GSK3B: variants seen among roughly 807,000 people sequenced by gnomAD.
GSK3B encodes the protein glycogen synthase kinase-3 beta.
Under a neutral mutation model 56.4 loss-of-function variants are expected in GSK3B, and 15 were observed. The ratio of observed to expected loss-of-function variants is 0.27; its 90% CI spans 0.18 to 0.41. GSK3B has a LOEUF of 0.41. Among genes scored for constraint, GSK3B ranks in the 10% least tolerant of loss-of-function variants. The pLI, the probability that GSK3B is intolerant of heterozygous loss-of-function variation, is 1.00. For synonymous variants in GSK3B, 181 were observed against 188.9 expected (o/e 0.96, Z 0.34); for missense variants, 300 against 513.4 (o/e 0.58, Z 4.02).
intron 10 of GSK3B, among the ~76,000 whole-genome samples, chr3:119,828,905 A>G (rs1397789958): frequency 2.6e-5 from 4 of 152,232 alleles, no homozygotes; most frequent in Non-Finnish European, 5.9e-5. Flanking sequence ...ACAAGTGAAG[A>G]TATTATGGCA....
intron 1 of GSK3B, 86 bp from the exon 2 acceptor site, chr3:120,002,325 A>G (rs1456972787): frequency 1.6e-6 from 1 of 608,616 alleles, no homozygotes; most frequent in Non-Finnish European, 2.6e-6. Context: ...GGTAAACTAT[A>G]TTCTTTATTT....
intron 1 of GSK3B, among the ~76,000 whole-genome samples, chr3:120,009,753 G>A (rs2057762831): frequency 6.6e-6 from 1 of 151,972 alleles, no homozygotes; most frequent in Non-Finnish European, 1.5e-5. Context: ...ACGGGTTGAT[G>A]GGTGCAGCAA....
chr3:119,932,859 C>T (rs2107476219), intron 3 of GSK3B, among the ~76,000 whole-genome samples: 1 of 152,194 alleles, frequency 6.6e-6, no homozygotes, highest in Admixed American at 6.5e-5. Flanking sequence ...CTTGTAATCC[C>T]AGCACTTTGG....
At chr3:119,861,443 G>C (rs1170395433) in intron 9 of GSK3B, among the ~76,000 whole-genome samples, 2 of 151,696 alleles carry the variant, frequency 1.3e-5, no homozygotes, top group Non-Finnish European at 2.9e-5. Context: ...TCTGGGAGGT[G>C]GAGGTTGCAG....
In GSK3B at chr3:119,916,100, C is replaced by A. The variant is rs72546694; in HGVS notation, c.552G>T (p.Pro184=). The change falls in exon 5 of 11, where the codon CCG becomes CCT. Residue 184 remains proline (P), a synonymous_variant. Coordinates refer to ENST00000264235, the MANE Select transcript of GSK3B (RefSeq NM_001146156.2). The part of the protein sequence containing the change: ...SFGICHRDIK[P]QNLLLDPDTA... ...TATCAGGATCCAACAAGAGGTTCTG[C>A]GGTTTAATATCCCGATGGCAGATTC... The A allele has an allele frequency of 1.9e-6, 3 of 1,613,086 alleles. No individual in the cohort carries two copies. The highest frequency in any genetic ancestry group is 2.2e-5 in the South Asian group (2 of 91,054).
Position 119,958,751 on chromosome 3 carries a change from TA to T in GSK3B, c.283-11401del, listed in dbSNP as rs1303333857. Among the ~76,000 whole-genome samples the T allele has an allele frequency of 7.9e-5, 12 of 151,580 alleles. 1 individual carries two copies. Among genetic ancestry groups the T allele is most frequent in the Admixed American group, 7.9e-4 (12 of 15,232 alleles). ...AAAGAATACTTCCAACTAGGAAGAT[TA>T]AAAAGATTTTTAATGAAAAGAGTGT... On this transcript the variant is annotated intron_variant, in intron 2 of 10. Coordinates refer to ENST00000264235, the MANE Select transcript of GSK3B (RefSeq NM_001146156.2).
intron 1 of GSK3B, among the ~76,000 whole-genome samples, chr3:120,060,910 ATTTG>A (rs1164003635): frequency 5.3e-5 from 8 of 152,190 alleles, no homozygotes; most frequent in Non-Finnish European, 2.9e-5. Flanking sequence ...CTATTTATTT[ATTTG>A]TTTATTTATG....
chr3:119,974,661 C>G (rs1363077116), intron 2 of GSK3B, among the ~76,000 whole-genome samples: 2 of 152,156 alleles, frequency 1.3e-5, no homozygotes, highest in African/African-American at 2.4e-5. Flanking sequence ...TGGACTAAGA[C>G]AAGACCTGAA....
chr3:119,996,783 G>C (rs1291684226), intron 2 of GSK3B, among the ~76,000 whole-genome samples: 1 of 151,958 alleles, frequency 6.6e-6, no homozygotes, highest in Non-Finnish European at 1.5e-5. Flanking sequence ...ACAATGATTA[G>C]AAGAAAGGTA....
chr3:120,000,711 T>C (rs372367691), intron 2 of GSK3B, among the ~76,000 whole-genome samples: 63 of 150,984 alleles, frequency 4.2e-4, no homozygotes, highest in African/African-American at 1.5e-3. Context: ...TGAGCTTCCA[T>C]GCATAGGCTC....
At chr3:120,058,605 T>C (rs982309582) in intron 1 of GSK3B, among the ~76,000 whole-genome samples, 3 of 152,288 alleles carry the variant, frequency 2.0e-5, no homozygotes, top group South Asian at 2.1e-4. Flanking sequence ...CCACAACTTA[T>C]AAAGCTGTAA....
At chr3:119,844,449 G>A (rs1299632170) in intron 9 of GSK3B, among the ~76,000 whole-genome samples, 2 of 151,468 alleles carry the variant, frequency 1.3e-5, no homozygotes, top group Non-Finnish European at 2.9e-5. Flanking sequence ...GATTAATAAA[G>A]GAAAGAGAGA....
rs373139573 is a variant in GSK3B, at chr3:120,034,592, G to A, written c.89-32353C>T. On this transcript the variant is annotated intron_variant, in intron 1 of 10. Coordinates refer to ENST00000264235, the MANE Select transcript of GSK3B (RefSeq NM_001146156.2). Reference sequence around the variant, plus strand: ...ATACTCCATGAATCTATATCCAAGCGCCACACCGTCTGGATTGATGTAAAT... The same window carrying A: ...ATACTCCATGAATCTATATCCAAGCACCACACCGTCTGGATTGATGTAAAT... Among the ~76,000 whole-genome samples, 72 of 152,210 alleles carry A rather than the reference G, an allele frequency of 4.7e-4. No homozygotes were observed. In the Middle Eastern group the frequency reaches 0.01, roughly 22 times the overall value.
intron 3 of GSK3B, among the ~76,000 whole-genome samples, chr3:119,943,198 C>T (rs2057067138): frequency 1.3e-5 from 2 of 152,158 alleles, no homozygotes; most frequent in South Asian, 4.1e-4. Context: ...TTCAGTCAAA[C>T]TGTGGTCAAT....
rs187567312 is a variant in GSK3B, at chr3:120,079,626, C to A, written c.88+13721G>T. Among the ~76,000 whole-genome samples the A allele has an allele frequency of 4.3e-3, 647 of 152,078 alleles. 1 individual carries two copies. The highest frequency in any genetic ancestry group is 0.015 in the African/African-American group (611 of 41,458). ...CTCAGGCTGGTCTCCAACTCCTGAC[C>A]TCAAGTGATCCACCCATCTCAACCT... On this transcript the variant is annotated intron_variant, in intron 1 of 10. Coordinates refer to ENST00000264235, the MANE Select transcript of GSK3B (RefSeq NM_001146156.2).
At chr3:120,025,560 T>C (rs1418886672) in intron 1 of GSK3B, among the ~76,000 whole-genome samples, 1 of 152,214 alleles carries the variant, frequency 6.6e-6, no homozygotes, top group Non-Finnish European at 1.5e-5. Context: ...GTTCCATAAG[T>C]AGATGCCACA....
chr3:120,024,502 T>C (rs1486574512), intron 1 of GSK3B, among the ~76,000 whole-genome samples: 6 of 152,194 alleles, frequency 3.9e-5, no homozygotes, highest in Non-Finnish European at 8.8e-5. Context: ...ATTGCTACAT[T>C]AATAGTTAAC....
At chr3:119,875,686 T>C (rs1435411856) in intron 8 of GSK3B, among the ~76,000 whole-genome samples, 1 of 152,060 alleles carries the variant, frequency 6.6e-6, no homozygotes. Context: ...TGAGAAATTC[T>C]ATTTTTTTTC....
rs765710011 is a variant in GSK3B at position 120,002,039 on chromosome 3, A to T, written c.282+7T>A. 10 of 1,565,484 alleles carry T rather than the reference A, an allele frequency of 6.4e-6. No homozygotes were observed. The highest frequency in any genetic ancestry group is 8.7e-6 in the Non-Finnish European group (10 of 1,152,594). Reference sequence around the variant, plus strand: ...CAACAAAATATATGAAATACTGGACATTTTACCTTAAATCTCTTGTCCTGC... The same window carrying T: ...CAACAAAATATATGAAATACTGGACTTTTTACCTTAAATCTCTTGTCCTGC... On this transcript the variant is annotated splice_region_variant and intron_variant, in intron 2 of 10. Coordinates refer to ENST00000264235, the MANE Select transcript of GSK3B (RefSeq NM_001146156.2).
Sources: gnomAD v4.1 joint callset for allele counts (sites outside exome capture counted in the v4.1 genomes callset) on GRCh38, gnomAD v4.1.1 for gene constraint, MANE v1.5 for transcripts, NCBI Gene and HGNC (gene_info 2026-07-23, HGNC 2026-07-21) for gene names.